The following TG variants were observed in gnomAD, a reference collection of about 807,000 sequenced individuals.
TG encodes thyroid hormones.
Under a neutral mutation model 324.7 loss-of-function variants are expected in TG, and 270 were observed. The observed-to-expected ratio is 0.83, with a 90% CI of 0.75 to 0.92. The LOEUF is 0.92. Ranked by LOEUF, TG falls within the 40% of genes least tolerant of loss-of-function variation. TG has a pLI of 0.00. For synonymous variants in TG, 1,401 were observed against 1,327.0 expected (o/e 1.06, Z -1.21); for missense variants, 3,591 against 3,456.4 (o/e 1.04, Z -0.98).
At chr8:133,045,171 C>T (rs1839086304) in intron 41 of TG, 1 of 1,594,998 alleles carries the variant, frequency 6.3e-7, no homozygotes, top group East Asian at 2.3e-5. Context: ...CCCAAGGCAC[C>T]CAGCTAACCA....
At chr8:133,009,552 AG>A (rs2130875630) in intron 35 of TG, among the ~76,000 whole-genome samples, 1 of 151,822 alleles carries the variant, frequency 6.6e-6, no homozygotes, top group African/African-American at 2.4e-5. Context: ...AATGTAAAAA[AG>A]TATAGACATG....
intron 35 of TG, among the ~76,000 whole-genome samples, chr8:132,988,511 AT>A (rs1414627318): frequency 2.6e-5 from 4 of 152,226 alleles, no homozygotes; most frequent in Non-Finnish European, 4.4e-5. Context: ...CTTTAAAACT[AT>A]GTAAAAGCTT....
At chr8:132,917,887 C>A (rs1276170613) in intron 20 of TG, among the ~76,000 whole-genome samples, 1 of 57,006 alleles carries the variant, frequency 1.8e-5, no homozygotes. Flanking sequence ...ACGGTTTTTG[C>A]AATTTTTTTT....
chr8:132,884,111 T>C (rs978802614), intron 8 of TG, among the ~76,000 whole-genome samples: 3 of 152,210 alleles, frequency 2.0e-5, no homozygotes, highest in African/African-American at 7.2e-5. Context: ...AGGAGACCAG[T>C]CATGTTGGGT....
chr8:132,925,197 A>G (rs756011207), intron 22 of TG, among the ~76,000 whole-genome samples: 1 of 152,226 alleles, frequency 6.6e-6, no homozygotes, highest in Non-Finnish European at 1.5e-5. Context: ...AACTGAGGCA[A>G]AGAATGTCCA....
chr8:132,867,998 A>T, intron 1 of TG, 117 bp from the exon 2 acceptor site: 1 of 879,480 alleles, frequency 1.1e-6, no homozygotes, highest in Non-Finnish European at 1.9e-6. Context: ...ATTTTAAAAT[A>T]GGCTGTCATA....
At chr8:133,050,744 A>G (rs1362977226) in intron 41 of TG, 7 of 1,026,194 alleles carry the variant, frequency 6.8e-6, no homozygotes, top group Admixed American at 3.4e-5. Context: ...CTAGCTAACA[A>G]TCAAATACTT....
intron 35 of TG, among the ~76,000 whole-genome samples, chr8:133,000,122 T>C (rs1018569307): frequency 2.6e-5 from 4 of 152,122 alleles, no homozygotes; most frequent in African/African-American, 9.7e-5. Flanking sequence ...GCTCTGGAGG[T>C]TGATGTATGG....
chr8:132,908,068 C>T, intron 17 of TG, 118 bp from the exon 18 acceptor site: 1 of 1,136,692 alleles, frequency 8.8e-7, no homozygotes, highest in Non-Finnish European at 1.3e-6. Context: ...TGCAAAATGG[C>T]AGTGCTTATG....
chr8:133,131,842 C>T lies in TG; in HGVS notation c.7893C>T (p.Ala2631=), dbSNP rs1030133970. The change falls in exon 46 of 48, where the codon GCC becomes GCT. Residue 2631 remains alanine, a synonymous_variant. Transcript: ENST00000220616. The part of the protein sequence containing the change: ...SLELLADVQF[A]LGLPFYPAYE... ...AGCTGCTGGCGGATGTTCAGTTTGC[C>T]TTGGGGCTTCCCTTCTACCCAGCCT... 1.9e-5 allele frequency: 30 copies of T among 1,614,078 alleles called. No individual in the cohort carries two copies. Among genetic ancestry groups the T allele is most frequent in the Non-Finnish European group, 2.4e-5 (28 of 1,180,032 alleles).
intron 10 of TG, among the ~76,000 whole-genome samples, chr8:132,893,071 T>C (rs1245962249): frequency 6.8e-6 from 1 of 147,830 alleles, no homozygotes; most frequent in African/African-American, 2.5e-5. Flanking sequence ...TGTGTATGTG[T>C]GTGGGTGGTG....
Position 132,967,923 on chromosome 8 carries a change from G to A in TG, c.5816G>A (p.Cys1939Tyr), listed in dbSNP as rs1587618476. ...ATCATGGAGTCCAATGCCCAGGGCT[G>A]CAGACTGATCCTGCCTCAGATGCCA... ...DDIMESNAQG[C>Y]RLILPQMPKA... The change falls in exon 31 of 48, where the codon TGC becomes TAC. Residue 1939 changes from cysteine (C) to tyrosine (Y), a missense_variant. By Grantham distance (194) the Cys-to-Tyr change is radical (BLOSUM62 -2). Transcript: ENST00000220616. 1 of 1,613,932 alleles carries A rather than the reference G, an allele frequency of 6.2e-7. No individual in the cohort carries two copies. Among genetic ancestry groups the A allele is most frequent in the Non-Finnish European group, 8.5e-7 (1 of 1,179,906 alleles).
intron 41 of TG, chr8:133,047,972 G>C: frequency 7.6e-7 from 1 of 1,317,694 alleles, no homozygotes. Flanking sequence ...TCCGGAACAA[G>C]CCCTCCCCCA....
chr8:133,017,565 T>C (rs1224337416), intron 37 of TG: 1 of 606,774 alleles, frequency 1.6e-6, no homozygotes, highest in African/African-American at 1.8e-5. Context: ...TGGTGCCTAA[T>C]AAAGATCAGC....
intron 32 of TG, among the ~76,000 whole-genome samples, chr8:132,970,207 A>AT (rs1829309037): frequency 6.6e-6 from 1 of 151,956 alleles, no homozygotes; most frequent in Non-Finnish European, 1.5e-5. Flanking sequence ...AATAATTTTT[A>AT]TTTTTTATTT....
rs758959438 is a variant in TG, at chr8:132,948,854, C to T, written c.5312C>T (p.Ala1771Val). Residue 1771 changes from alanine to valine, a missense_variant, in exon 27 of 48, where the codon GCC (alanine) becomes GTC (valine). By Grantham distance (64) the Ala-to-Val change is moderately conservative. Coordinates refer to ENST00000220616, the MANE Select transcript of TG (RefSeq NM_003235.5). ...AAAGACTGGATGGATCCCTCTGAAG[C>T]CTGGGCTAATGCTACATGTCCTGGT... ...NVKDWMDPSE[A>V]WANATCPGVT... 6.2e-7 allele frequency: 1 copy of T among 1,614,102 alleles called. No individual in the cohort carries two copies. Among genetic ancestry groups the T allele is most frequent in the Non-Finnish European group, 8.5e-7 (1 of 1,180,028 alleles).
chr8:133,019,446 G>C (rs1175914224), intron 38 of TG, among the ~76,000 whole-genome samples, 156 bp from the exon 39 acceptor site: 1 of 152,212 alleles, frequency 6.6e-6, no homozygotes, highest in Non-Finnish European at 1.5e-5. Context: ...CACTGAAGCT[G>C]AATCTTTCCA....
chr8:133,069,335 G>T (rs1225962257), intron 41 of TG, among the ~76,000 whole-genome samples: 1 of 152,226 alleles, frequency 6.6e-6, no homozygotes, highest in Non-Finnish European at 1.5e-5. Context: ...CACAGCATTT[G>T]CCAGTGACCT....
At chr8:133,017,112 G>A (rs1259291873) in intron 37 of TG, among the ~76,000 whole-genome samples, 1 of 152,292 alleles carries the variant, frequency 6.6e-6, no homozygotes, top group East Asian at 1.9e-4. Flanking sequence ...AGAAAGGTGT[G>A]GCTTTGAATC....
Sources: allele counts gnomAD v4.1 joint callset (sites outside exome capture counted in the v4.1 genomes callset), GRCh38; gene constraint gnomAD v4.1.1; transcripts MANE v1.5; gene names NCBI Gene and HGNC (gene_info 2026-07-23, HGNC 2026-07-21).